Variants in PDE11A observed in about 807,000 individuals in gnomAD.
The protein encoded by PDE11A is phosphodiesterase 11A, also known as dual 3',5'-cyclic-AMP and -GMP phosphodiesterase 11A.
Under a neutral mutation model 100.5 loss-of-function variants are expected in PDE11A, and 100 were observed. That is an observed-to-expected ratio of 1.00 (90% CI 0.85 to 1.18). PDE11A has a LOEUF of 1.18. Ranked by LOEUF, PDE11A falls within the 50% of genes most tolerant of loss-of-function variation. The pLI is 0.00. For missense variants in PDE11A, 1,141 were observed against 1,152.6 expected (o/e 0.99, Z 0.15); for synonymous variants, 381 against 420.8 (o/e 0.91, Z 1.16).
chr2:177,779,406 T>C (rs2082421652), intron 9 of PDE11A, among the ~76,000 whole-genome samples: 1 of 152,202 alleles, frequency 6.6e-6, no homozygotes, highest in Non-Finnish European at 1.5e-5. Flanking sequence ...TATTTCTCTG[T>C]AGCATACAAT....
At chr2:177,919,174 T>C (rs1288944270) in intron 2 of PDE11A, among the ~76,000 whole-genome samples, 1 of 136,484 alleles carries the variant, frequency 7.3e-6, no homozygotes, top group Non-Finnish European at 1.6e-5. Context: ...CATGGCTCAC[T>C]GCAACCTCCG....
intron 10 of PDE11A, among the ~76,000 whole-genome samples, chr2:177,733,579 A>G (rs1031957971): frequency 1.3e-5 from 2 of 152,220 alleles, no homozygotes; most frequent in Non-Finnish European, 2.9e-5. Flanking sequence ...ATGGGAAGAA[A>G]CAACAAAGTG....
rs183783637 is a variant in PDE11A at position 178,086,061 on chromosome 2, T to G, written c.162+18241A>C. Among the ~76,000 whole-genome samples, 6 of 152,344 alleles carry G rather than the reference T, an allele frequency of 3.9e-5. No individual in the cohort carries two copies. The East Asian group carries it at 1.2e-3, about 29-fold the overall frequency. On this transcript the variant is annotated intron_variant, in intron 2 of 20. Transcript: ENST00000358450. ...CTCTGTCTGGGCTCAGCTGGGACTC[T>G]GGAACCACTGATCACTCAAATTCTC...
chr2:178,104,453 T>C (rs1221601978), exon 2 of PDE11A: 3 of 1,613,906 alleles, frequency 1.9e-6, no homozygotes, highest in African/African-American at 2.7e-5. Flanking sequence ...TCTTCTTGCC[T>C]GCTTCAGCAT....
At chr2:178,099,223 C>T (rs1009632031) in intron 2 of PDE11A, among the ~76,000 whole-genome samples, 10 of 151,994 alleles carry the variant, frequency 6.6e-5, no homozygotes, top group African/African-American at 2.4e-4. Context: ...GCCAGGATTT[C>T]GAGATCAGCC....
At chr2:178,049,283 G>C (rs189841180) in intron 1 of PDE11A, among the ~76,000 whole-genome samples, 1 of 152,322 alleles carries the variant, frequency 6.6e-6, no homozygotes, top group East Asian at 1.9e-4. Context: ...AGAACTTTCT[G>C]ATGGACCTAA....
chr2:177,853,989 G>A (rs1428049406), intron 5 of PDE11A, among the ~76,000 whole-genome samples: 1 of 150,028 alleles, frequency 6.7e-6, no homozygotes, highest in Non-Finnish European at 1.5e-5. Flanking sequence ...CAGCAAGAAA[G>A]GGAGCAGATT....
chr2:177,953,576 C>G (rs2085528756), intron 2 of PDE11A, among the ~76,000 whole-genome samples: 1 of 152,194 alleles, frequency 6.6e-6, no homozygotes, highest in South Asian at 2.1e-4. Flanking sequence ...ATAATCAGTT[C>G]CAATTTTTTT....
At chr2:177,875,410 C>T (rs921239188) in intron 5 of PDE11A, among the ~76,000 whole-genome samples, 2 of 151,832 alleles carry the variant, frequency 1.3e-5, no homozygotes, top group African/African-American at 4.8e-5. Context: ...CAGAGTCTCG[C>T]TCTGTCACCC....
chr2:177,728,082 C>T lies in PDE11A; in HGVS notation c.1879G>A (p.Ala627Thr). The change falls in exon 11 of 20, where the codon GCT (alanine) becomes ACT (threonine). Residue 627 changes from alanine to threonine, a missense_variant. Transcript: ENST00000286063. ...SLDVDAMITA[A>T]LRMFMELGMV... ...CCCAGCTCCATGAACATCCGGAGAG[C>T]AGCTGTGATCATGGCATCAACGTCG... The T allele has an allele frequency of 1.2e-6, 2 of 1,612,506 alleles. No homozygotes were observed. Among genetic ancestry groups the T allele is most frequent in the Non-Finnish European group, 1.7e-6 (2 of 1,178,684 alleles).
intron 2 of PDE11A, among the ~76,000 whole-genome samples, chr2:177,987,973 T>C (rs2085960367): frequency 6.6e-6 from 1 of 152,188 alleles, no homozygotes; most frequent in South Asian, 2.1e-4. Context: ...GGAGAGACTA[T>C]AAACACAATT....
At position 177,932,515 on chromosome 2, in the gene PDE11A, C is replaced by T. The variant is rs116685839; in HGVS notation, c.1072-27328G>A. On this transcript the variant is annotated intron_variant, in intron 2 of 19. Coordinates refer to ENST00000286063, the MANE Select transcript of PDE11A (RefSeq NM_016953.4). ...GGATGCAAAATTGGTTCAACATACA[C>T]AAATTAATAAATGTGATTCACCACA... 9.7e-3 allele frequency among the ~76,000 whole-genome samples: 1,483 copies of T among 152,140 alleles called. 23 individuals are homozygous for T. The highest frequency in any genetic ancestry group is 0.034 in the African/African-American group (1,408 of 41,510).
intron 2 of PDE11A, among the ~76,000 whole-genome samples, chr2:177,909,990 T>C (rs745582798): frequency 1.3e-5 from 2 of 152,196 alleles, no homozygotes; most frequent in African/African-American, 4.8e-5. Context: ...TTCTTTTAGG[T>C]CTTCTTTATG....
chr2:177,786,676 T>C (rs537783919), intron 9 of PDE11A, among the ~76,000 whole-genome samples: 1 of 151,884 alleles, frequency 6.6e-6, no homozygotes, highest in Non-Finnish European at 1.5e-5. Flanking sequence ...GAATAACCAA[T>C]ACAGAGAAGT....
chr2:178,097,131 C>A (rs962366676), intron 2 of PDE11A, among the ~76,000 whole-genome samples: 1 of 152,160 alleles, frequency 6.6e-6, no homozygotes, highest in African/African-American at 2.4e-5. Flanking sequence ...CATGATCCAC[C>A]TGCCTTGGCC....
chr2:177,763,570 G>T (rs10427227), intron 10 of PDE11A, among the ~76,000 whole-genome samples: 4 of 152,174 alleles, frequency 2.6e-5, no homozygotes, highest in African/African-American at 4.8e-5. Flanking sequence ...CTGCCCTGAG[G>T]GGGAGGAGCT....
At position 177,898,041 on chromosome 2, in the gene PDE11A, G is replaced by A; in HGVS notation, c.1302+17C>T. The A allele has an allele frequency of 1.3e-6, 2 of 1,590,152 alleles. No homozygotes were observed. Among genetic ancestry groups the A allele is most frequent in the South Asian group, 1.1e-5 (1 of 90,532 alleles). On this transcript the variant is annotated intron_variant, in intron 4 of 19. Coordinates refer to ENST00000286063, the MANE Select transcript of PDE11A (RefSeq NM_016953.4). ...ATTCACACAGTCTTCAACTTTAAAA[G>A]ATAAAAGATAACTTACTGGTGATTC... is the stretch of plus-strand genomic sequence containing the variant.
At chr2:177,660,071 CTT>C (rs1159532289) in intron 19 of PDE11A, among the ~76,000 whole-genome samples, 1 of 30,782 alleles carries the variant, frequency 3.2e-5, no homozygotes, top group African/African-American at 1.0e-4. Flanking sequence ...TTCTTTCTTT[CTT>C]TCTTTCTTTC....
In PDE11A at chr2:177,653,497, G is replaced by A. The variant is rs1052367156; in HGVS notation, c.2646+10369C>T. On this transcript the variant is annotated intron_variant, in intron 19 of 19. Coordinates refer to ENST00000286063, the MANE Select transcript of PDE11A (RefSeq NM_016953.4). ...TGTTGAAGTTCTAACCCCGGTACCT[G>A]TGAATGTGGCCATGTTTGGAAATAG... Among the ~76,000 whole-genome samples the A allele has an allele frequency of 2.6e-5, 4 of 152,200 alleles. No homozygotes were observed. The East Asian group carries it at 7.7e-4, about 29-fold the overall frequency.
Sources: allele counts gnomAD v4.1 joint callset (sites outside exome capture counted in the v4.1 genomes callset), GRCh38; gene constraint gnomAD v4.1.1; transcripts MANE v1.5; gene names NCBI Gene and HGNC (gene_info 2026-07-23, HGNC 2026-07-21).